OSGIN1: variants seen among roughly 807,000 people sequenced by gnomAD.
The protein encoded by OSGIN1 is oxidative stress-induced growth inhibitor 1.
Under a neutral mutation model 20.1 loss-of-function variants are expected in OSGIN1, and 19 were observed. The ratio of observed to expected loss-of-function variants is 0.95; its 90% confidence interval spans 0.66 to 1.39. OSGIN1 has a LOEUF of 1.39. Ranked by LOEUF, OSGIN1 falls within the 40% of genes most tolerant of loss-of-function variation. The pLI, the probability that OSGIN1 is intolerant of heterozygous loss-of-function variation, is 0.00. For missense variants in OSGIN1, 820 were observed against 653.0 expected, an observed-to-expected ratio of 1.26 and a Z score of -2.79; for synonymous variants, 368 against 297.8, an observed-to-expected ratio of 1.24 and a Z score of -2.43.
chr16:83,958,830 A>C (rs961767355), intron 2 of OSGIN1, among the ~76,000 whole-genome samples: 1 of 152,118 alleles, frequency 6.6e-6, no homozygotes, highest in African/African-American at 2.4e-5. Context: ...CATCCATCTG[A>C]CCTAGTTCTT....
Position 83,965,270 on chromosome 16 carries a change from C to T in OSGIN1, c.697C>T (p.Gln233Ter). The T allele has an allele frequency of 6.2e-7, 1 of 1,607,614 alleles. No individual in the cohort carries two copies. The highest frequency in any genetic ancestry group is 8.5e-7 in the Non-Finnish European group (1 of 1,176,588). The change falls in exon 6 of 6, where the codon CAG becomes TAG. Residue 233 changes from glutamine (Q) to a stop codon, truncating the protein, a stop_gained. Transcript: ENST00000393306. LOFTEE classifies it low-confidence loss of function (END_TRUNC). The stretch of plus-strand genomic sequence containing the variant: ...CTTCCTGACCAGGAACCAGGCCCAG[C>T]AGCCCTTCTCGCTGTGGGCCCGCAA... ...SGFLTRNQAQQPFSLWARNVV... is the reference protein window; with the variant it reads ...SGFLTRNQAQ
Position 83,965,346 on chromosome 16 carries a change from C to A in OSGIN1, c.773C>A (p.Pro258His). Residue 258 changes from proline to histidine, a missense_variant, in exon 6 of 6, where the codon CCC becomes CAC. Physicochemically the swap from Pro to His is moderately conservative, Grantham distance 77. Transcript: ENST00000393306. ...TFDSPARLGI[P>H]GEALPFIHHE... The stretch of plus-strand genomic sequence containing the variant: ...GACAGCCCGGCCCGGCTGGGCATCC[C>A]CGGGGAGGCCCTGCCCTTCATCCAC... 2 of 1,571,732 alleles carry A rather than the reference C, an allele frequency of 1.3e-6. No homozygotes were observed. Among genetic ancestry groups the A allele is most frequent in the Non-Finnish European group, 1.7e-6 (2 of 1,160,762 alleles).
chr16:83,958,625 A>G (rs1357084650), intron 2 of OSGIN1, among the ~76,000 whole-genome samples: 1 of 152,220 alleles, frequency 6.6e-6, no homozygotes, highest in Non-Finnish European at 1.5e-5. Context: ...AAGAGGGGAA[A>G]GGACAGATAA....
At chr16:83,953,988 C>T (rs1908810087) in intron 1 of OSGIN1, 1 of 152,572 alleles carries the variant, frequency 6.6e-6, no homozygotes. Flanking sequence ...AGACCACCCC[C>T]TCACACTTTA....
rs546079946 is a variant in OSGIN1 at position 83,960,795 on chromosome 16, G to C, written c.396+35G>C. The stretch of plus-strand genomic sequence containing the variant: ...GCAGCGAGGGCATGGCTTGTGGGGG[G>C]CTCTCTCCCTCGTTCTCCCCACTTG... On this transcript the variant is annotated intron_variant, in intron 4 of 5. Coordinates refer to ENST00000393306, the MANE Select transcript of OSGIN1 (RefSeq NM_182981.3). The C allele has an allele frequency of 1.9e-5, 31 of 1,600,120 alleles. No individual in the cohort carries two copies. In the East Asian group the frequency reaches 6.5e-4, roughly 34 times the overall value.
chr16:83,955,581 C>T (rs769645992), intron 1 of OSGIN1, among the ~76,000 whole-genome samples: 9 of 152,124 alleles, frequency 5.9e-5, no homozygotes, highest in Non-Finnish European at 1.2e-4. Flanking sequence ...TACAACAACC[C>T]GATTAAATAA....
chr16:83,956,083 G>C (rs76287685), intron 1 of OSGIN1, among the ~76,000 whole-genome samples: 1 of 152,188 alleles, frequency 6.6e-6, no homozygotes, highest in Non-Finnish European at 1.5e-5. Flanking sequence ...GCTGCTGAGC[G>C]GGCTGGACGC....
chr16:83,961,262 A>G (rs1427765769), intron 5 of OSGIN1, 190 bp downstream of exon 5: 5 of 583,392 alleles, frequency 8.6e-6, no homozygotes, highest in African/African-American at 5.6e-5. Context: ...TATACATTTT[A>G]GGGAGACATG....
At chr16:83,960,521 C>T (rs2665294) in intron 3 of OSGIN1, 48 bp from the exon 4 acceptor site, 59 of 1,499,426 alleles carry the variant, frequency 3.9e-5, no homozygotes, top group South Asian at 5.9e-5. Context: ...TCTGGGAAGA[C>T]GACCCCGCCC....
chr16:83,956,781 C>T (rs1481033035), intron 1 of OSGIN1, among the ~76,000 whole-genome samples: 1 of 152,156 alleles, frequency 6.6e-6, no homozygotes, highest in Non-Finnish European at 1.5e-5. Flanking sequence ...GCCTTGTGGT[C>T]CTCAGGATGG....
At chr16:83,956,343 A>G (rs1042820901) in intron 1 of OSGIN1, among the ~76,000 whole-genome samples, 3 of 152,186 alleles carry the variant, frequency 2.0e-5, no homozygotes, top group Non-Finnish European at 4.4e-5. Flanking sequence ...GCGTTCATTC[A>G]TTGCCCACTT....
At chr16:83,954,812 T>G in intron 1 of OSGIN1, 1 of 901,598 alleles carries the variant, frequency 1.1e-6, no homozygotes, top group Non-Finnish European at 1.3e-6. Flanking sequence ...CCAGTTCTGA[T>G]TCCTCATTGG....
chr16:83,963,868 G>A (rs1254529450), intron 5 of OSGIN1, among the ~76,000 whole-genome samples: 1 of 148,734 alleles, frequency 6.7e-6, no homozygotes, highest in African/African-American at 2.4e-5. Flanking sequence ...CCACAAGAAT[G>A]GGCCTGCAGT....
Position 83,965,632 on chromosome 16 carries a change from C to G in OSGIN1, c.1059C>G (p.Ser353Arg), listed in dbSNP as rs955107140. The change falls in exon 6 of 6, where the codon AGC becomes AGG. Residue 353 changes from serine to arginine, a missense_variant. Transcript: ENST00000393306. ...GGGAGCAGTCCATCCTGTCGCCCAGCCCCTATGAGGGTTACCGCAGCCTCC... is the reference window on the plus strand; with the variant it reads ...GGGAGCAGTCCATCCTGTCGCCCAGGCCCTATGAGGGTTACCGCAGCCTCC... ...MMREQSILSP[S>R]PYEGYRSLPR... 6.2e-7 allele frequency: 1 copy of G among 1,613,176 alleles called. No individual in the cohort carries two copies. Among genetic ancestry groups the G allele is most frequent in the African/African-American group, 1.3e-5 (1 of 74,934 alleles).
rs374267975 is a variant in OSGIN1, at chr16:83,960,655, A to G, written c.291A>G (p.Thr97=). 2.6e-5 allele frequency: 42 copies of G among 1,613,466 alleles called. No individual in the cohort carries two copies. The African/African-American group carries it at 4.8e-4, about 18-fold the overall frequency. ...TTGATGCCCTTCTACGCCCAGACAC[A>G]GACTTTGGGGGAAACATGAAGTCGG... ...LLFDALLRPD[T]DFGGNMKSVL... is the part of the protein sequence containing the mutation. The change falls in exon 4 of 6, where the codon ACA becomes ACG. Residue 97 remains threonine (T), a synonymous_variant. Coordinates refer to ENST00000393306, the MANE Select transcript of OSGIN1 (RefSeq NM_182981.3).
At position 83,959,372 on chromosome 16, in the gene OSGIN1, C is replaced by T. The variant is rs374082878; in HGVS notation, c.180C>T (p.Ala60=). 3.7e-6 allele frequency: 6 copies of T among 1,613,738 alleles called. No homozygotes were observed. The highest frequency in any genetic ancestry group is 1.3e-5 in the African/African-American group (1 of 74,906). The change falls in exon 3 of 6, where the codon GCC becomes GCT. Residue 60 remains alanine, a synonymous_variant. Transcript: ENST00000393306. ...HPLLQRKLTE[A]PGVSILDQDL... ...TGCTGCAGAGGAAGCTCACCGAGGC[C>T]CCGGGGGTCTCCATCCTGGACCAGG...
chr16:83,955,994 C>A (rs1908908166), intron 1 of OSGIN1, among the ~76,000 whole-genome samples: 1 of 152,214 alleles, frequency 6.6e-6, no homozygotes. Context: ...CAGACCCCTT[C>A]CCCGCTAGGC....
intron 5 of OSGIN1, among the ~76,000 whole-genome samples, chr16:83,962,925 G>T (rs554302217): frequency 1.3e-5 from 2 of 152,162 alleles, no homozygotes; most frequent in African/African-American, 4.8e-5. Context: ...GTGATTTGGG[G>T]GCCCCAAGAT....
intron 5 of OSGIN1, among the ~76,000 whole-genome samples, chr16:83,961,734 G>A (rs971283306): frequency 2.6e-4 from 39 of 152,212 alleles, no homozygotes; most frequent in African/African-American, 8.2e-4. Flanking sequence ...CCCCTGTCCC[G>A]TGCAAGCAGC....
Sources: gnomAD v4.1 joint callset for allele counts (sites outside exome capture counted in the v4.1 genomes callset) on GRCh38, gnomAD v4.1.1 for gene constraint, MANE v1.5 for transcripts, NCBI Gene and HGNC (gene_info 2026-07-23, HGNC 2026-07-21) for gene names.